Variants in SETD3 observed in about 807,000 individuals in gnomAD.
SETD3 encodes SET domain containing 3, actin N3(tau)-histidine methyltransferase.
A neutral mutation model predicts 63.0 loss-of-function variants in SETD3; 19 were observed. That is an observed-to-expected ratio of 0.30 (90% CI 0.21 to 0.44). The LOEUF (loss-of-function observed/expected upper bound fraction) is 0.44. Ranked by LOEUF, SETD3 falls within the 20% of genes least tolerant of loss-of-function variation. The probability of loss-of-function intolerance (pLI) is 1.00; values close to 1 mark genes in which losing one functional copy is unlikely to be tolerated. For missense variants in SETD3, 587 were observed against 728.5 expected, an observed-to-expected ratio of 0.81 and a Z score of 2.24; for synonymous variants, 286 against 264.1, an observed-to-expected ratio of 1.08 and a Z score of -0.80.
intron 6 of SETD3, among the ~76,000 whole-genome samples, chr14:99,430,562 G>T (rs976590430): frequency 6.6e-6 from 1 of 152,168 alleles, no homozygotes; most frequent in Non-Finnish European, 1.5e-5. Flanking sequence ...GACCTGACCT[G>T]CAAACAACGA....
At chr14:99,477,152 C>G (rs1896014841) in intron 1 of SETD3, among the ~76,000 whole-genome samples, 1 of 152,044 alleles carries the variant, frequency 6.6e-6, no homozygotes, top group Admixed American at 6.6e-5. Flanking sequence ...TTTGGACTCA[C>G]TAGTTCACTT....
At chr14:99,471,405 G>A (rs1895697043) in intron 1 of SETD3, among the ~76,000 whole-genome samples, 2 of 152,206 alleles carry the variant, frequency 1.3e-5, no homozygotes, top group Admixed American at 1.3e-4. Flanking sequence ...GAGAGATGTA[G>A]ATAATTAGAG....
chr14:99,452,675 C>G (rs1266375060), intron 6 of SETD3, among the ~76,000 whole-genome samples: 3 of 152,188 alleles, frequency 2.0e-5, no homozygotes, highest in Non-Finnish European at 4.4e-5. Context: ...AAGCCTGAAG[C>G]AAGCTGTAAG....
intron 1 of SETD3, among the ~76,000 whole-genome samples, chr14:99,474,785 G>A (rs143359078): frequency 2.0e-5 from 3 of 151,926 alleles, no homozygotes; most frequent in East Asian, 3.9e-4. Flanking sequence ...AGCCAAGATC[G>A]TGCCACTGCA....
intron 6 of SETD3, among the ~76,000 whole-genome samples, chr14:99,434,599 G>C (rs1893364904): frequency 6.6e-6 from 1 of 152,060 alleles, no homozygotes; most frequent in African/African-American, 2.4e-5. Flanking sequence ...TGTAATCCCA[G>C]CACTTTGGGA....
At chr14:99,424,519 A>T (rs1182409206) in intron 6 of SETD3, among the ~76,000 whole-genome samples, 3 of 152,180 alleles carry the variant, frequency 2.0e-5, no homozygotes, top group Non-Finnish European at 4.4e-5. Flanking sequence ...GACAGACAGG[A>T]CATCATCTCA....
intron 6 of SETD3, among the ~76,000 whole-genome samples, chr14:99,454,610 T>C (rs1057239658): frequency 6.6e-6 from 1 of 152,124 alleles, no homozygotes; most frequent in Admixed American, 6.5e-5. Flanking sequence ...AAATAGAGCA[T>C]TTCTACAATG....
At chr14:99,444,378 A>C (rs1457110681) in intron 6 of SETD3, 1 of 152,228 alleles carries the variant, frequency 6.6e-6, no homozygotes, top group Non-Finnish European at 1.5e-5. Context: ...CTGCGCAAGG[A>C]TGACACACAA....
intron 6 of SETD3, among the ~76,000 whole-genome samples, chr14:99,436,746 C>T (rs147527515): frequency 1.7e-3 from 257 of 152,294 alleles, no homozygotes; most frequent in African/African-American, 5.6e-3. Flanking sequence ...AAAGTGTTGA[C>T]CTTGCAAACA....
At chr14:99,454,500 T>C (rs1894643748) in intron 6 of SETD3, among the ~76,000 whole-genome samples, 2 of 152,118 alleles carry the variant, frequency 1.3e-5, no homozygotes, top group Admixed American at 1.3e-4. Flanking sequence ...TAAGAAATAC[T>C]AACATAAGAT....
intron 1 of SETD3, among the ~76,000 whole-genome samples, chr14:99,468,188 G>A (rs1314713610): frequency 2.0e-5 from 3 of 148,822 alleles, no homozygotes; most frequent in African/African-American, 7.4e-5. Flanking sequence ...CATGGCAGCA[G>A]GTCTTCCAGA....
intron 1 of SETD3, among the ~76,000 whole-genome samples, chr14:99,477,623 G>A (rs1218481412): frequency 6.6e-6 from 1 of 151,570 alleles, no homozygotes; most frequent in African/African-American, 2.4e-5. Flanking sequence ...GCGTGGTGGC[G>A]CATGCCTGTA....
chr14:99,448,578 T>C (rs141273871), intron 6 of SETD3, among the ~76,000 whole-genome samples: 3 of 152,140 alleles, frequency 2.0e-5, no homozygotes, highest in Non-Finnish European at 2.9e-5. Flanking sequence ...CCCATGACCA[T>C]AGAATGCAAG....
At chr14:99,414,061 T>G (rs921880668) in intron 6 of SETD3, 127 bp from the exon 7 acceptor site, 4 of 809,588 alleles carry the variant, frequency 4.9e-6, no homozygotes, top group Non-Finnish European at 6.2e-6. Context: ...GCAGGCGGCG[T>G]CCAGCCGCGC....
intron 9 of SETD3, 139 bp from the exon 10 acceptor site, chr14:99,405,510 T>C (rs1458622928): frequency 3.5e-5 from 34 of 976,536 alleles, no homozygotes; most frequent in Non-Finnish European, 4.4e-5. Context: ...CTGTTTGGTA[T>C]AGGTTGCAAG....
chr14:99,416,883 A>C (rs576048927), intron 6 of SETD3, among the ~76,000 whole-genome samples: 1 of 152,212 alleles, frequency 6.6e-6, no homozygotes, highest in Middle Eastern at 3.4e-3. Flanking sequence ...CAACCCAGGG[A>C]CGCACTCTTC....
chr14:99,409,501 G>A (rs149958523), intron 8 of SETD3, among the ~76,000 whole-genome samples: 48 of 152,208 alleles, frequency 3.2e-4, no homozygotes, highest in African/African-American at 9.6e-4. Context: ...TGCCTGCAGC[G>A]CACACCACTC....
At chr14:99,477,231 T>C (rs1165886329) in intron 1 of SETD3, among the ~76,000 whole-genome samples, 1 of 152,242 alleles carries the variant, frequency 6.6e-6, no homozygotes, top group Non-Finnish European at 1.5e-5. Context: ...TTGAATTTTA[T>C]AATCATTTGG....
intron 6 of SETD3, among the ~76,000 whole-genome samples, chr14:99,428,259 T>G (rs757513353): frequency 2.0e-5 from 3 of 152,202 alleles, no homozygotes; most frequent in Non-Finnish European, 4.4e-5. Flanking sequence ...AGTAAGTTAG[T>G]ATCCATCCAG....
Sources: gnomAD v4.1 joint callset for allele counts (sites outside exome capture counted in the v4.1 genomes callset) on GRCh38, gnomAD v4.1.1 for gene constraint, MANE v1.5 for transcripts, NCBI Gene and HGNC (gene_info 2026-07-23, HGNC 2026-07-21) for gene names.